Variants in LIPI observed in about 807,000 individuals in gnomAD.
LIPI encodes lipase member I.
LIPI carries 59 observed loss-of-function variants against 50.6 expected under a neutral mutation model. The observed-to-expected ratio is 1.16, with a 90% CI of 0.94 to 1.45. The LOEUF (loss-of-function observed/expected upper bound fraction) is 1.45. LIPI is among the 40% of genes most tolerant of loss of function. The pLI is 0.00. For missense variants in LIPI, 586 were observed against 536.3 expected (o/e 1.09, Z -0.92); for synonymous variants, 203 against 178.2 (o/e 1.14, Z -1.11).
At chr21:14,157,741 G>A (rs1481665991) in intron 7 of LIPI, among the ~76,000 whole-genome samples, 1 of 151,912 alleles carries the variant, frequency 6.6e-6, no homozygotes, top group Non-Finnish European at 1.5e-5. Flanking sequence ...TGAACCCAGG[G>A]AGCAGAGCCA....
chr21:14,170,552 G>A (rs982788179), intron 4 of LIPI, among the ~76,000 whole-genome samples: 10 of 152,150 alleles, frequency 6.6e-5, no homozygotes, highest in Non-Finnish European at 1.3e-4. Context: ...ATGCAAGGCT[G>A]GTTCAATATA....
chr21:14,144,000 G>A (rs576449367), intron 9 of LIPI: 51 of 176,376 alleles, frequency 2.9e-4, no homozygotes, highest in Non-Finnish European at 4.7e-4. Context: ...ACCAAGACAG[G>A]TGACTATAAA....
chr21:14,126,023 A>G (rs1425798800), intron 9 of LIPI, among the ~76,000 whole-genome samples: 1 of 151,686 alleles, frequency 6.6e-6, no homozygotes, highest in Non-Finnish European at 1.5e-5. Flanking sequence ...AATGAAAATC[A>G]AACATTTAAA....
At chr21:14,138,537 A>G (rs1482364576) in intron 9 of LIPI, among the ~76,000 whole-genome samples, 1 of 152,056 alleles carries the variant, frequency 6.6e-6, no homozygotes, top group Non-Finnish European at 1.5e-5. Flanking sequence ...AATTTTATTA[A>G]TTTTTTAATC....
chr21:14,114,695 A>G (rs373847060), intron 9 of LIPI, among the ~76,000 whole-genome samples: 10 of 152,216 alleles, frequency 6.6e-5, no homozygotes, highest in African/African-American at 2.4e-4. Context: ...TGCCTGAGTC[A>G]TGCAGATTCC....
intron 8 of LIPI, among the ~76,000 whole-genome samples, chr21:14,149,297 C>G (rs2018006451): frequency 6.6e-6 from 1 of 152,134 alleles, no homozygotes; most frequent in African/African-American, 2.4e-5. Flanking sequence ...AGAACTTACT[C>G]TCTATCAAGA....
chr21:14,200,119 A>G lies in LIPI; in HGVS notation c.46+10681T>C, dbSNP rs141154558. Among the ~76,000 whole-genome samples the G allele has an allele frequency of 2.7e-3, 411 of 152,264 alleles. 1 individual carries two copies. Among genetic ancestry groups the G allele is most frequent in the Non-Finnish European group, 4.5e-3 (305 of 67,994 alleles). ...AACATGCCTCAAGATAATAAGAGCCATATATGACAAACCCACAGCCAACAT... is the reference window on the plus strand; with the variant it reads ...AACATGCCTCAAGATAATAAGAGCCGTATATGACAAACCCACAGCCAACAT... On this transcript the variant is annotated intron_variant, in intron 1 of 9. Coordinates refer to ENST00000681601, the MANE Select transcript of LIPI (RefSeq NM_001302998.2).
chr21:14,194,816 TTC>T (rs1383625058), intron 1 of LIPI, among the ~76,000 whole-genome samples: 1 of 152,230 alleles, frequency 6.6e-6, no homozygotes, highest in African/African-American at 2.4e-5. Flanking sequence ...TAATAATTTT[TTC>T]TGTGTGTTTG....
intron 8 of LIPI, among the ~76,000 whole-genome samples, chr21:14,145,743 G>T (rs1197770337): frequency 3.9e-5 from 6 of 152,146 alleles, no homozygotes; most frequent in Non-Finnish European, 8.8e-5. Flanking sequence ...GTTCAAAGAA[G>T]TTTCTCTTTT....
chr21:14,186,191 T>G, intron 2 of LIPI, 122 bp from the exon 3 acceptor site: 1 of 691,400 alleles, frequency 1.4e-6, no homozygotes, highest in Non-Finnish European at 2.6e-6. Context: ...TTTGGGGATA[T>G]CGGGAAAGAG....
intron 4 of LIPI, among the ~76,000 whole-genome samples, chr21:14,175,523 A>G (rs377245087): frequency 6.6e-6 from 1 of 152,116 alleles, no homozygotes; most frequent in Non-Finnish European, 1.5e-5. Flanking sequence ...TAAAGTATTT[A>G]TAACAGTCTC....
intron 7 of LIPI, among the ~76,000 whole-genome samples, chr21:14,156,172 G>A (rs565412742): frequency 1.3e-5 from 2 of 152,034 alleles, no homozygotes; most frequent in Non-Finnish European, 2.9e-5. Context: ...GAACCTACAA[G>A]TATGTTATCT....
intron 9 of LIPI, among the ~76,000 whole-genome samples, chr21:14,119,144 A>G (rs2016768687): frequency 6.6e-6 from 1 of 152,164 alleles, no homozygotes; most frequent in Non-Finnish European, 1.5e-5. Context: ...CCATCTCAGT[A>G]TACCTGGACT....
At chr21:14,135,439 C>T (rs1306386268) in intron 9 of LIPI, among the ~76,000 whole-genome samples, 2 of 152,148 alleles carry the variant, frequency 1.3e-5, no homozygotes, top group African/African-American at 4.8e-5. Context: ...TCACTGACAC[C>T]ACTCCTCCCC....
intron 4 of LIPI, among the ~76,000 whole-genome samples, chr21:14,177,130 A>T (rs911696834): frequency 6.6e-6 from 1 of 152,050 alleles, no homozygotes; most frequent in Non-Finnish European, 1.5e-5. Context: ...ATGTATTTGA[A>T]GCTGTGTTAT....
At chr21:14,146,194 C>A (rs2017897762) in intron 8 of LIPI, among the ~76,000 whole-genome samples, 1 of 151,880 alleles carries the variant, frequency 6.6e-6, no homozygotes, top group Non-Finnish European at 1.5e-5. Context: ...TATCCACTGT[C>A]ATTTATCGTG....
intron 3 of LIPI, 111 bp from the exon 4 acceptor site, chr21:14,181,970 T>G: frequency 1.4e-6 from 1 of 699,612 alleles, no homozygotes; most frequent in South Asian, 1.5e-5. Context: ...TACTTTTAGT[T>G]TAAACCTATC....
At chr21:14,142,448 G>A (rs2017745023) in intron 9 of LIPI, among the ~76,000 whole-genome samples, 1 of 149,240 alleles carries the variant, frequency 6.7e-6, no homozygotes, top group African/African-American at 2.4e-5. Context: ...TATTATATAA[G>A]TATATTTATA....
chr21:14,156,659 A>C (rs2018283418), intron 7 of LIPI, among the ~76,000 whole-genome samples: 1 of 151,946 alleles, frequency 6.6e-6, no homozygotes, highest in African/African-American at 2.4e-5. Context: ...GATACAAATA[A>C]TGTGATATAG....
Sources: gnomAD v4.1 joint callset for allele counts (sites outside exome capture counted in the v4.1 genomes callset) on GRCh38, gnomAD v4.1.1 for gene constraint, MANE v1.5 for transcripts, NCBI Gene and HGNC (gene_info 2026-07-23, HGNC 2026-07-21) for gene names.